Variants in WDFY3 observed in about 807,000 individuals in gnomAD.
WDFY3 encodes the protein WD repeat and FYVE domain containing 3, also known as WD repeat and FYVE domain-containing protein 3.
Under a neutral mutation model 409.6 loss-of-function variants are expected in WDFY3, and 66 were observed. That is an observed-to-expected ratio of 0.16 (90% CI 0.13 to 0.20). The LOEUF is 0.20. Among genes scored for constraint, WDFY3 ranks in the 10% least tolerant of loss-of-function variants. The probability of loss-of-function intolerance (pLI) is 1.00; values close to 1 mark genes in which losing one functional copy is unlikely to be tolerated. For synonymous variants in WDFY3, 1,521 were observed against 1,537.1 expected (o/e 0.99, Z 0.25); for missense variants, 3,031 against 4,298.1 (o/e 0.71, Z 8.24).
chr4:84,874,785 A>G (rs753220221), intron 3 of WDFY3, among the ~76,000 whole-genome samples: 10 of 152,134 alleles, frequency 6.6e-5, no homozygotes, highest in Non-Finnish European at 1.3e-4. Context: ...GCGTTGCTTA[A>G]CGACAGGGAT....
In WDFY3 at chr4:84,841,149, C is replaced by T; in HGVS notation, c.414+5G>A. The T allele has an allele frequency of 6.3e-7, 1 of 1,595,652 alleles. No individual in the cohort carries two copies. The highest frequency in any genetic ancestry group is 2.2e-5 in the East Asian group (1 of 44,572). ...AGTTATCAAACATGAAAACTAAGAACTTACCTGACCAGAGGAAGCTAACAA... is the reference window on the plus strand; with the variant it reads ...AGTTATCAAACATGAAAACTAAGAATTTACCTGACCAGAGGAAGCTAACAA... On this transcript the variant is annotated splice_donor_5th_base_variant and intron_variant, in intron 6 of 67. Transcript: ENST00000295888.
chr4:84,782,930 G>C (rs369367758), intron 25 of WDFY3, 33 bp downstream of exon 25: 6 of 1,594,830 alleles, frequency 3.8e-6, no homozygotes, highest in Non-Finnish European at 4.3e-6. Flanking sequence ...GGCAAATAAA[G>C]AAGTTTGAAA....
chr4:84,751,824 G>A, intron 35 of WDFY3, 108 bp from the exon 36 acceptor site: 1 of 1,166,360 alleles, frequency 8.6e-7, no homozygotes, highest in Non-Finnish European at 1.3e-6. Context: ...CACCTATTAA[G>A]CTATTCAGCA....
intron 3 of WDFY3, among the ~76,000 whole-genome samples, chr4:84,874,587 T>G (rs1006971637): frequency 6.6e-6 from 1 of 152,182 alleles, no homozygotes; most frequent in Admixed American, 6.5e-5. Flanking sequence ...CCCAGACTGT[T>G]AGGCCCTTTC....
chr4:84,806,651 G>A (rs1050437378), intron 15 of WDFY3, among the ~76,000 whole-genome samples: 9 of 152,148 alleles, frequency 5.9e-5, no homozygotes, highest in Admixed American at 2.0e-4. Flanking sequence ...CTGTAGTCTA[G>A]GCTGGAGTGC....
At chr4:84,698,386 G>C (rs749211481) in intron 56 of WDFY3, among the ~76,000 whole-genome samples, 3 of 151,610 alleles carry the variant, frequency 2.0e-5, no homozygotes, top group East Asian at 2.0e-4. Context: ...CTGGCCTCAA[G>C]TGATCCTTCC....
Position 84,691,783 on chromosome 4 carries a change from G to A in WDFY3, c.9052C>T (p.Leu3018Phe), listed in dbSNP as rs1159941877. The A allele has an allele frequency of 1.2e-6, 2 of 1,604,378 alleles. No homozygotes were observed. Among genetic ancestry groups the A allele is most frequent in the Admixed American group, 3.4e-5 (2 of 58,952 alleles). The part of the protein sequence containing the change: ...LRPSLTPVKE[L>F]KEPVGQIVCT... Reference sequence around the variant, plus strand: ...ACGATTTGTCCTACAGGTTCTTTGAGTTCTAGAAAAAAGAAATCATGGTAT... The same window carrying A: ...ACGATTTGTCCTACAGGTTCTTTGAATTCTAGAAAAAAGAAATCATGGTAT... Residue 3018 changes from leucine to phenylalanine, a missense_variant and splice_region_variant, in exon 60 of 68, where the codon CTC becomes TTC. This residue lies in a region of WDFY3 where 152 missense variants were observed against 193.5 expected (regional missense o/e 0.79). Transcript: ENST00000295888.
intron 3 of WDFY3, among the ~76,000 whole-genome samples, chr4:84,862,216 T>G (rs1242657885): frequency 1.3e-5 from 2 of 152,316 alleles, no homozygotes; most frequent in East Asian, 1.9e-4. Flanking sequence ...GGACACGATG[T>G]AACTCATCAC....
intron 4 of WDFY3, among the ~76,000 whole-genome samples, chr4:84,860,018 G>A (rs189185451): frequency 4.1e-4 from 62 of 152,274 alleles, no homozygotes; most frequent in African/African-American, 1.5e-3. Context: ...AAATTGTAAT[G>A]ACTTTTTAAA....
At chr4:84,906,888 C>T (rs1579073856) in intron 2 of WDFY3, among the ~76,000 whole-genome samples, 1 of 151,960 alleles carries the variant, frequency 6.6e-6, no homozygotes, top group Non-Finnish European at 1.5e-5. Context: ...ATTGGACACA[C>T]CTGCAAATCA....
In WDFY3 at chr4:84,751,708, G is replaced by A. The variant is rs763343855; in HGVS notation, c.5748C>T (p.Asp1916=). 4.3e-6 allele frequency: 7 copies of A among 1,614,002 alleles called. No homozygotes were observed. The Admixed American group carries it at 1.2e-4, about 27-fold the overall frequency. Residue 1916 remains aspartate, a synonymous_variant, in exon 36 of 68, where the codon GAC becomes GAT. Transcript: ENST00000295888. The part of the protein sequence containing the change: ...NIRPYSEMVT[D]LDDEVGSPAE... ...CTGGAGATCCAACTTCATCATCAAG[G>A]TCAGTCACCTAGTAAAATCAAGTGG... is the stretch of plus-strand genomic sequence containing the variant.
intron 45 of WDFY3, among the ~76,000 whole-genome samples, chr4:84,726,650 G>C (rs1324846151): frequency 1.3e-5 from 2 of 151,996 alleles, no homozygotes; most frequent in Non-Finnish European, 2.9e-5. Context: ...ATCCTAAAAA[G>C]AGATAATTAG....
intron 35 of WDFY3, 76 bp from the exon 36 acceptor site, chr4:84,751,792 A>G: frequency 1.3e-6 from 2 of 1,496,454 alleles, no homozygotes; most frequent in Non-Finnish European, 1.9e-6. Flanking sequence ...CCTAAAAATA[A>G]AACTGGAGCA....
intron 3 of WDFY3, among the ~76,000 whole-genome samples, chr4:84,873,196 G>A (rs534348700): frequency 6.6e-6 from 1 of 152,218 alleles, no homozygotes; most frequent in Admixed American, 6.5e-5. Context: ...GACATTTATA[G>A]GATACTTGAT....
intron 32 of WDFY3, among the ~76,000 whole-genome samples, chr4:84,763,625 T>G (rs536965570): frequency 2.3e-4 from 34 of 149,060 alleles, no homozygotes; most frequent in African/African-American, 6.6e-4. Context: ...AAAAAAAAGG[T>G]TGCCATTCCG....
intron 21 of WDFY3, 37 bp downstream of exon 21, chr4:84,794,482 C>A: frequency 6.4e-7 from 1 of 1,568,356 alleles, no homozygotes; most frequent in South Asian, 1.2e-5. Flanking sequence ...TTTAATACTT[C>A]TATAATCAAA....
At chr4:84,921,286 G>A (rs1240203246) in intron 2 of WDFY3, among the ~76,000 whole-genome samples, 1 of 151,074 alleles carries the variant, frequency 6.6e-6, no homozygotes, top group Non-Finnish European at 1.5e-5. Context: ...AAGAAGGAAA[G>A]GTAATTAAAA....
intron 37 of WDFY3, 144 bp from the exon 38 acceptor site, chr4:84,742,065 G>T (rs1738533417): frequency 3.0e-6 from 2 of 660,480 alleles, no homozygotes; most frequent in Non-Finnish European, 4.7e-6. Context: ...TGCACTACTT[G>T]AAGAAAATGA....
intron 62 of WDFY3, among the ~76,000 whole-genome samples, chr4:84,685,962 A>C (rs976651944): frequency 2.0e-5 from 3 of 152,176 alleles, no homozygotes; most frequent in African/African-American, 7.2e-5. Context: ...GTTCTACAGC[A>C]CCCACATTTT....
Sources: gnomAD v4.1 joint callset for allele counts (sites outside exome capture counted in the v4.1 genomes callset) on GRCh38, gnomAD v4.1.1 for gene constraint, gnomAD v4.1.1 regional missense constraint, MANE v1.5 for transcripts, NCBI Gene and HGNC (gene_info 2026-07-23, HGNC 2026-07-21) for gene names.